TBC1D31: variants seen among roughly 807,000 people sequenced by gnomAD.
TBC1D31 encodes TBC1 domain family member 31, also known as WD repeat domain 67.
Under a neutral mutation model 132.9 loss-of-function variants are expected in TBC1D31, and 99 were observed. The ratio of observed to expected loss-of-function variants is 0.74; its 90% CI spans 0.63 to 0.88. TBC1D31 has a LOEUF of 0.88. Among genes scored for constraint, TBC1D31 ranks in the 40% least tolerant of loss-of-function variants. The pLI, the probability that TBC1D31 is intolerant of heterozygous loss-of-function variation, is 0.00. For missense variants in TBC1D31, 1,134 were observed against 1,256.6 expected (o/e 0.90, Z 1.48); for synonymous variants, 385 against 419.4 (o/e 0.92, Z 1.00).
chr8:123,084,113 C>G, intron 3 of TBC1D31, 49 bp from the exon 4 acceptor site: 1 of 1,509,372 alleles, frequency 6.6e-7, no homozygotes, highest in South Asian at 1.2e-5. Flanking sequence ...AATGTTACTT[C>G]TAGACGTACA....
intron 8 of TBC1D31, among the ~76,000 whole-genome samples, chr8:123,106,037 C>T (rs1007410016): frequency 6.6e-6 from 1 of 152,100 alleles, no homozygotes; most frequent in African/African-American, 2.4e-5. Context: ...GATTTACATC[C>T]CTACCAGCAG....
At chr8:123,073,979 C>A (rs978937957) in intron 1 of TBC1D31, among the ~76,000 whole-genome samples, 1 of 152,218 alleles carries the variant, frequency 6.6e-6, no homozygotes, top group Admixed American at 6.5e-5. Flanking sequence ...AGCCACCGCG[C>A]CCGGCCTCTA....
At chr8:123,124,932 G>A (rs1296407550) in intron 11 of TBC1D31, among the ~76,000 whole-genome samples, 2 of 129,622 alleles carry the variant, frequency 1.5e-5, no homozygotes, top group South Asian at 4.7e-4. Flanking sequence ...GTGAGACTCC[G>A]TCTCACAAAA....
chr8:123,077,478 G>A (rs1013157074), intron 2 of TBC1D31, among the ~76,000 whole-genome samples: 4 of 151,004 alleles, frequency 2.6e-5, no homozygotes, highest in African/African-American at 7.3e-5. Flanking sequence ...GGTTTTAATA[G>A]TATCTCTAGT....
chr8:123,112,205 C>T (rs1201545619), intron 10 of TBC1D31, among the ~76,000 whole-genome samples: 1 of 152,120 alleles, frequency 6.6e-6, no homozygotes, highest in East Asian at 1.9e-4. Context: ...AATAACTCCT[C>T]TTCATATGAT....
chr8:123,130,918 G>A (rs373377145), intron 16 of TBC1D31, among the ~76,000 whole-genome samples: 27 of 151,184 alleles, frequency 1.8e-4, no homozygotes, highest in African/African-American at 6.1e-4. Context: ...CACCAAGCCC[G>A]GCAGTTAATT....
At position 123,085,699 on chromosome 8, in the gene TBC1D31, G is replaced by T. The variant is rs372604211; in HGVS notation, c.519+1359G>T. Among the ~76,000 whole-genome samples, 32 of 152,264 alleles carry T rather than the reference G, an allele frequency of 2.1e-4. No individual in the cohort carries two copies. The East Asian group carries it at 2.5e-3, about 12-fold the overall frequency. On this transcript the variant is annotated intron_variant, in intron 4 of 21. Transcript: ENST00000287380. ...GCTGGGATTACAGGCGTGAGCCACCGCGCCGGGCCCCACTCAGCATAATGT... is the reference window on the plus strand; with the variant it reads ...GCTGGGATTACAGGCGTGAGCCACCTCGCCGGGCCCCACTCAGCATAATGT...
At chr8:123,149,658 G>A (rs1822585485) in intron 20 of TBC1D31, among the ~76,000 whole-genome samples, 1 of 152,200 alleles carries the variant, frequency 6.6e-6, no homozygotes, top group Admixed American at 6.5e-5. Flanking sequence ...GCCTATGGCT[G>A]GCTCTGATTT....
At chr8:123,091,344 A>T (rs1379094286) in intron 4 of TBC1D31, among the ~76,000 whole-genome samples, 2 of 152,200 alleles carry the variant, frequency 1.3e-5, no homozygotes, top group African/African-American at 2.4e-5. Flanking sequence ...GTAGGAATAA[A>T]CTTTATTACT....
Position 123,134,151 on chromosome 8 carries a change from G to A in TBC1D31, c.2444G>A (p.Arg815Lys), listed in dbSNP as rs763910052. 2.3e-5 allele frequency: 37 copies of A among 1,614,064 alleles called. No individual in the cohort carries two copies. Among genetic ancestry groups the A allele is most frequent in the Middle Eastern group, 1.6e-4 (1 of 6,062 alleles). Residue 815 changes from arginine to lysine, a missense_variant, in exon 17 of 22, where the codon AGA becomes AAA. By Grantham distance (26) the Arg-to-Lys change is conservative. Coordinates refer to ENST00000287380, the MANE Select transcript of TBC1D31 (RefSeq NM_145647.4). ...GATCGAGAAATTGCTGCCACAGCCAGAGACCTAGAAATGAGACAGCTGGAA... is the reference window on the plus strand; with the variant it reads ...GATCGAGAAATTGCTGCCACAGCCAAAGACCTAGAAATGAGACAGCTGGAA... ...MRDREIAATA[R>K]DLEMRQLELE...
intron 3 of TBC1D31, chr8:123,083,026 A>G (rs547790340): frequency 1.7e-4 from 88 of 506,170 alleles, no homozygotes; most frequent in Non-Finnish European, 2.9e-4. Context: ...GTCAGGTTTG[A>G]TAATTTACTA....
At chr8:123,122,616 C>T (rs553757796) in intron 11 of TBC1D31, among the ~76,000 whole-genome samples, 18 of 152,216 alleles carry the variant, frequency 1.2e-4, no homozygotes, top group African/African-American at 3.6e-4. Flanking sequence ...GATAGTATAA[C>T]CCTGAATGGG....
At chr8:123,104,222 T>G (rs1392015010) in intron 7 of TBC1D31, 1 of 152,206 alleles carries the variant, frequency 6.6e-6, no homozygotes, top group African/African-American at 2.4e-5. Flanking sequence ...TGTAAACAAG[T>G]ATCCTTTTTG....
At chr8:123,152,644 G>A (rs1171477618), downstream of TBC1D31, among the ~76,000 whole-genome samples, 1 of 152,186 alleles carries the variant, frequency 6.6e-6, no homozygotes, top group Non-Finnish European at 1.5e-5. Context: ...GCTGCGGTGG[G>A]TGGATCACTT....
At chr8:123,161,892 C>T in the TBC1D31 span, among the ~76,000 whole-genome samples, 1 of 151,730 alleles carries the variant, frequency 6.6e-6, no homozygotes, top group South Asian at 2.1e-4. Flanking sequence ...GTGGTGGGCG[C>T]CTGTGATCCC....
rs147981327 is a variant in TBC1D31, at chr8:123,109,794, G to T, written c.1436+174G>T. On this transcript the variant is annotated intron_variant, in intron 10 of 21. Coordinates refer to ENST00000287380, the MANE Select transcript of TBC1D31 (RefSeq NM_145647.4). ...ATATTACATGTGAATATTAGTTTGT[G>T]TTGTGTTCTAGAAAATAGGACTCTT... is the stretch of plus-strand genomic sequence containing the variant. Among the ~76,000 whole-genome samples, 377 of 152,306 alleles carry T rather than the reference G, an allele frequency of 2.5e-3. 1 individual carries two copies. Among genetic ancestry groups the T allele is most frequent in the African/African-American group, 8.4e-3 (348 of 41,584 alleles).
At chr8:123,093,864 A>G (rs900387231) in intron 5 of TBC1D31, 122 bp downstream of exon 5, 45 of 644,798 alleles carry the variant, frequency 7.0e-5, no homozygotes, top group Non-Finnish European at 9.2e-5. Context: ...TTACCTTCAA[A>G]TTTAGATATG....
At chr8:123,107,396 C>T (rs1019078861) in intron 8 of TBC1D31, among the ~76,000 whole-genome samples, 1 of 152,222 alleles carries the variant, frequency 6.6e-6, no homozygotes, top group Non-Finnish European at 1.5e-5. Context: ...AACCATTGTC[C>T]TCACTTTTGT....
chr8:123,083,448 G>A (rs1193205636), intron 3 of TBC1D31: 1 of 151,708 alleles, frequency 6.6e-6, no homozygotes, highest in African/African-American at 2.4e-5. Flanking sequence ...TTTAGAGATA[G>A]GGTTTTGTCA....
Sources: allele counts gnomAD v4.1 joint callset (sites outside exome capture counted in the v4.1 genomes callset), GRCh38; gene constraint gnomAD v4.1.1; transcripts MANE v1.5; gene names NCBI Gene and HGNC (gene_info 2026-07-23, HGNC 2026-07-21).